LDB2: variants seen among roughly 807,000 people sequenced by gnomAD.
LDB2 encodes the protein LIM domain binding 2.
A neutral mutation model predicts 44.3 loss-of-function variants in LDB2; 12 were observed. The observed-to-expected ratio is 0.27, with a 90% CI of 0.17 to 0.44. LDB2 has a LOEUF of 0.44. Ranked by LOEUF, LDB2 falls within the 20% of genes least tolerant of loss-of-function variation. The pLI is 1.00. For missense variants in LDB2, 344 were observed against 473.5 expected (o/e 0.73, Z 2.54); for synonymous variants, 164 against 174.8 (o/e 0.94, Z 0.49).
At chr4:16,757,376 G>A in intron 2 of LDB2, among the ~76,000 whole-genome samples, 1 of 152,152 alleles carries the variant, frequency 6.6e-6, no homozygotes, top group East Asian at 1.9e-4. Flanking sequence ...AAAGAGGCCT[G>A]GGCAACAATG....
chr4:16,542,107 G>GC lies in LDB2; in HGVS notation c.616-30004_616-30003insG, dbSNP rs1553889201. ...TTCCAATTACATCAGGTGGTGGGGG[G>GC]GGGGGCGCGAGCAGGAGGGCATAAG... is the stretch of plus-strand genomic sequence containing the variant. On this transcript the variant is annotated intron_variant, in intron 5 of 7. Transcript: ENST00000304523. Among the ~76,000 whole-genome samples, 46 of 144,806 alleles carry GC rather than the reference G, an allele frequency of 3.2e-4. 5 individuals are homozygous for GC. In the South Asian group the frequency reaches 9.4e-3, roughly 30 times the overall value. The allele number at this position is 144,806 out of a possible 152,430, so 95.0% of individuals were successfully genotyped here.
chr4:16,561,552 C>T (rs1166860155), intron 5 of LDB2, among the ~76,000 whole-genome samples: 1 of 152,142 alleles, frequency 6.6e-6, no homozygotes, highest in Non-Finnish European at 1.5e-5. Flanking sequence ...CAAACCACTG[C>T]TCAAGGCAAT....
chr4:16,555,068 C>A (rs1040748941), intron 5 of LDB2, among the ~76,000 whole-genome samples: 3 of 147,910 alleles, frequency 2.0e-5, no homozygotes, highest in African/African-American at 7.5e-5. Flanking sequence ...TGCTGTGAAC[C>A]TAAAACTGCT....
At chr4:16,886,906 A>G (rs1356714876) in intron 1 of LDB2, among the ~76,000 whole-genome samples, 4 of 151,658 alleles carry the variant, frequency 2.6e-5, no homozygotes, top group Admixed American at 6.6e-5. Flanking sequence ...GGTGGCGGGC[A>G]CCTGTAGTCC....
At chr4:16,694,684 G>A (rs1751677086) in intron 2 of LDB2, among the ~76,000 whole-genome samples, 1 of 152,160 alleles carries the variant, frequency 6.6e-6, no homozygotes, top group African/African-American at 2.4e-5. Flanking sequence ...AAATCCATTC[G>A]TTGTTATTCA....
At chr4:16,546,413 T>C (rs2152337158) in intron 5 of LDB2, among the ~76,000 whole-genome samples, 1 of 152,336 alleles carries the variant, frequency 6.6e-6, no homozygotes, top group Non-Finnish European at 1.5e-5. Flanking sequence ...TTACCATATA[T>C]AGATAGATAT....
intron 5 of LDB2, among the ~76,000 whole-genome samples, chr4:16,515,081 T>C (rs1042314698): frequency 2.0e-5 from 3 of 152,194 alleles, no homozygotes; most frequent in African/African-American, 7.2e-5. Context: ...GTGGTACACA[T>C]TCACCATAGA....
chr4:16,755,815 C>T (rs1231313833), intron 2 of LDB2, among the ~76,000 whole-genome samples: 1 of 152,180 alleles, frequency 6.6e-6, no homozygotes, highest in East Asian at 1.9e-4. Flanking sequence ...GTAGTACCTT[C>T]CTGGTGTTGT....
At chr4:16,718,633 G>C (rs945312949) in intron 2 of LDB2, among the ~76,000 whole-genome samples, 2 of 152,134 alleles carry the variant, frequency 1.3e-5, no homozygotes, top group African/African-American at 4.8e-5. Context: ...TCAGAGGAGA[G>C]TGTCATGGTC....
chr4:16,665,674 G>C (rs1000398629), intron 2 of LDB2, among the ~76,000 whole-genome samples: 1 of 152,064 alleles, frequency 6.6e-6, no homozygotes, highest in African/African-American at 2.4e-5. Flanking sequence ...TCCAGGACAG[G>C]GGGAAGAAAA....
chr4:16,763,041 G>T (rs879774252), intron 1 of LDB2, among the ~76,000 whole-genome samples: 3 of 150,512 alleles, frequency 2.0e-5, no homozygotes, highest in Non-Finnish European at 4.4e-5. Context: ...TTCAGAAGAG[G>T]TCTGCTGGGA....
intron 1 of LDB2, among the ~76,000 whole-genome samples, chr4:16,862,433 A>G (rs1472704900): frequency 6.6e-6 from 1 of 151,894 alleles, no homozygotes; most frequent in African/African-American, 2.4e-5. Flanking sequence ...CGGGAGTTCA[A>G]GACCAGCCTG....
At chr4:16,617,633 T>A (rs538919663) in intron 2 of LDB2, among the ~76,000 whole-genome samples, 8 of 152,134 alleles carry the variant, frequency 5.3e-5, no homozygotes, top group Non-Finnish European at 8.8e-5. Flanking sequence ...AGGTCAGAGA[T>A]TCAGTGTTCC....
intron 2 of LDB2, among the ~76,000 whole-genome samples, chr4:16,711,089 ACT>A (rs1438847039): frequency 1.3e-5 from 2 of 152,224 alleles, no homozygotes; most frequent in African/African-American, 4.8e-5. Flanking sequence ...CAATGCTGAC[ACT>A]CTTACAATCT....
intron 1 of LDB2, chr4:16,826,402 T>G (rs899841022): frequency 3.9e-5 from 6 of 152,174 alleles, no homozygotes; most frequent in Non-Finnish European, 8.8e-5. Context: ...TCTGGCCATT[T>G]AAAACAAAAA....
intron 1 of LDB2, among the ~76,000 whole-genome samples, chr4:16,819,524 T>G (rs1457834182): frequency 6.6e-6 from 1 of 150,420 alleles, no homozygotes; most frequent in Non-Finnish European, 1.5e-5. Context: ...AGGTCATGTA[T>G]TTTGTATTCA....
At chr4:16,726,199 C>T (rs1211968555) in intron 2 of LDB2, 2 of 152,082 alleles carry the variant, frequency 1.3e-5, no homozygotes, top group Admixed American at 6.6e-5. Context: ...TCACATGCTA[C>T]TAACAATGCA....
At chr4:16,502,934 A>G in intron 7 of LDB2, 61 bp from the exon 8 acceptor site, 2 of 1,606,366 alleles carry the variant, frequency 1.2e-6, no homozygotes, top group Non-Finnish European at 8.5e-7. Context: ...TCAGCTTAAA[A>G]TAACAGTGGG....
At position 16,604,466 on chromosome 4, in the gene LDB2, A is replaced by AAT. The variant is rs1723384787; in HGVS notation, c.236-8593_236-8592dup. 3.3e-5 allele frequency among the ~76,000 whole-genome samples: 5 copies of AAT among 150,388 alleles called. No individual in the cohort carries two copies. In the South Asian group the frequency reaches 8.3e-4, roughly 25 times the overall value. ...GTTCTAACCATTGCAATAACATGAG[A>AAT]ATATATATATTCTTATATATATATA... On this transcript the variant is annotated intron_variant, in intron 2 of 7. Coordinates refer to ENST00000304523, the MANE Select transcript of LDB2 (RefSeq NM_001290.5).
Sources: allele counts gnomAD v4.1 joint callset (sites outside exome capture counted in the v4.1 genomes callset), GRCh38; gene constraint gnomAD v4.1.1; transcripts MANE v1.5; gene names NCBI Gene and HGNC (gene_info 2026-07-23, HGNC 2026-07-21).